The following OOEP variants were observed in gnomAD, a reference collection of about 807,000 sequenced individuals.
OOEP encodes oocyte-expressed protein homolog.
A neutral mutation model predicts 13.7 loss-of-function variants in OOEP; 16 were observed. That is an observed-to-expected ratio of 1.16 (90% CI 0.79 to 1.77). The LOEUF is 1.77. Ranked by LOEUF, OOEP falls within the 40% of genes most tolerant of loss-of-function variation. The pLI is 0.00. For synonymous variants in OOEP, 89 were observed against 77.1 expected (o/e 1.15, Z -0.81); for missense variants, 195 against 193.1 (o/e 1.01, Z -0.06).
At chr6:73,392,824 G>C (rs1411379955) in intron 2 of OOEP, among the ~76,000 whole-genome samples, 1 of 151,308 alleles carries the variant, frequency 6.6e-6, no homozygotes, top group African/African-American at 2.4e-5. Context: ...TAGAGATGGG[G>C]TTTTACCATG....
At chr6:73,381,410 A>G (rs1241523723) in intron 2 of OOEP, among the ~76,000 whole-genome samples, 1 of 152,176 alleles carries the variant, frequency 6.6e-6, no homozygotes, top group East Asian at 1.9e-4. Context: ...TACCTAGAGT[A>G]GCCCGGAGGA....
At chr6:73,379,638 C>CAAAAAAA (rs370843381) in intron 2 of OOEP, among the ~76,000 whole-genome samples, 1 of 17,740 alleles carries the variant, frequency 5.6e-5, no homozygotes, top group Non-Finnish European at 1.1e-4. Flanking sequence ...GACTCTATCT[C>CAAAAAAA]AAAAAAAAAA....
exon 1 of OOEP, chr6:73,394,855 G>A (rs1406310015): frequency 3.8e-6 from 6 of 1,595,616 alleles, no homozygotes; most frequent in Middle Eastern, 1.7e-4. Flanking sequence ...TCACGGTCAG[G>A]TGGTGCAGAG....
intron 2 of OOEP, among the ~76,000 whole-genome samples, chr6:73,388,196 A>G (rs568804139): frequency 6.6e-6 from 1 of 152,332 alleles, no homozygotes; most frequent in South Asian, 2.1e-4. Context: ...TGGAATTAAA[A>G]TTTCTTTTCG....
chr6:73,372,107 A>C (rs1769066654), upstream of OOEP, among the ~76,000 whole-genome samples: 1 of 152,174 alleles, frequency 6.6e-6, no homozygotes, highest in East Asian at 1.9e-4. Context: ...GACCCTAAAA[A>C]TAAACCTAAA....
upstream of OOEP, among the ~76,000 whole-genome samples, chr6:73,372,137 A>T (rs1310146738): frequency 6.6e-6 from 1 of 152,178 alleles, no homozygotes; most frequent in Non-Finnish European, 1.5e-5. Context: ...GCCTTAATCT[A>T]ATCATGAGAC....
upstream of OOEP, among the ~76,000 whole-genome samples, chr6:73,370,261 TTTCTC>T (rs1769030165): frequency 6.6e-6 from 1 of 152,192 alleles, no homozygotes; most frequent in Admixed American, 6.5e-5. Flanking sequence ...ATGTGTCAGT[TTTCTC>T]TGTTCTGCTC....
chr6:73,373,046 A>G, upstream of OOEP: 2 of 1,319,874 alleles, frequency 1.5e-6, no homozygotes, highest in Non-Finnish European at 1.1e-6. Flanking sequence ...TCAGCTTGAT[A>G]TGGTAACATG....
chr6:73,394,532 C>T, intron 1 of OOEP: 1 of 590,848 alleles, frequency 1.7e-6, no homozygotes, highest in South Asian at 2.1e-5. Context: ...ACTGAGATGC[C>T]AGGAACCCGA....
At chr6:73,381,579 T>C (rs1359187185) in intron 2 of OOEP, among the ~76,000 whole-genome samples, 5 of 152,134 alleles carry the variant, frequency 3.3e-5, no homozygotes, top group Admixed American at 6.6e-5. Context: ...CTACTTTGCA[T>C]AGGACTAAAG....
upstream of OOEP, among the ~76,000 whole-genome samples, chr6:73,372,155 C>T (rs528366667): frequency 6.6e-6 from 1 of 152,270 alleles, no homozygotes; most frequent in East Asian, 1.9e-4. Flanking sequence ...GACGCACTTA[C>T]ATTACTGTAG....
intron 2 of OOEP, among the ~76,000 whole-genome samples, chr6:73,378,112 C>CT (rs5877363): frequency 0.49 from 73,030 of 150,102 alleles, 18,308 homozygotes; most frequent in South Asian, 0.6. Flanking sequence ...ATTTTTTTTT[C>CT]TTTTTTTTGA....
At chr6:73,394,499 A>G in intron 1 of OOEP, 1 of 624,634 alleles carries the variant, frequency 1.6e-6, no homozygotes, top group Admixed American at 2.9e-5. Flanking sequence ...CTATTTAAAA[A>G]GAAAAAAAAA....
chr6:73,382,038 GTTTTTC>G (rs1334055784), intron 2 of OOEP, among the ~76,000 whole-genome samples: 1 of 151,930 alleles, frequency 6.6e-6, no homozygotes, highest in African/African-American at 2.4e-5. Flanking sequence ...TTTTGTTTTT[GTTTTTC>G]TTTTTGGTTT....
At chr6:73,379,554 G>A (rs1474502101) in intron 2 of OOEP, among the ~76,000 whole-genome samples, 2 of 147,392 alleles carry the variant, frequency 1.4e-5, no homozygotes, top group Middle Eastern at 3.2e-3. Context: ...CAGGAGAATC[G>A]CTTGAACCCA....
At chr6:73,381,689 T>TA (rs1006004896) in intron 2 of OOEP, among the ~76,000 whole-genome samples, 1 of 151,926 alleles carries the variant, frequency 6.6e-6, no homozygotes, top group African/African-American at 2.4e-5. Flanking sequence ...ACAATTAATA[T>TA]AAAAAACCAG....
chr6:73,380,233 G>A (rs1385326859), intron 2 of OOEP, among the ~76,000 whole-genome samples: 1 of 147,918 alleles, frequency 6.8e-6, no homozygotes, highest in African/African-American at 2.5e-5. Context: ...GGTGATACAA[G>A]TTTTCCAAAA....
At chr6:73,375,245 C>G (rs1331256757) in intron 2 of OOEP, among the ~76,000 whole-genome samples, 1 of 152,144 alleles carries the variant, frequency 6.6e-6, no homozygotes, top group Admixed American at 6.6e-5. Context: ...CACCTCTTTA[C>G]TAAGAGAACT....
chr6:73,371,710 A>G (rs1369319054), upstream of OOEP, among the ~76,000 whole-genome samples: 2 of 151,726 alleles, frequency 1.3e-5, no homozygotes, highest in African/African-American at 4.8e-5. Context: ...AGATCACACC[A>G]TTGCACTCCA....
Sources: gnomAD v4.1 joint callset for allele counts (sites outside exome capture counted in the v4.1 genomes callset) on GRCh38, gnomAD v4.1.1 for gene constraint, MANE v1.5 for transcripts, NCBI Gene and HGNC (gene_info 2026-07-23, HGNC 2026-07-21) for gene names.